The following DOCK2 variants were observed in gnomAD, a reference collection of about 807,000 sequenced individuals.
DOCK2 encodes the protein dedicator of cytokinesis 2, also known as dedicator of cytokinesis protein 2.
Under a neutral mutation model 248.9 loss-of-function variants are expected in DOCK2, and 87 were observed. The ratio of observed to expected loss-of-function variants is 0.35; its 90% confidence interval spans 0.29 to 0.42. The LOEUF (loss-of-function observed/expected upper bound fraction) is 0.42, where lower values mean the gene tolerates loss of function less well. DOCK2 is among the 10% of genes least tolerant of loss of function. DOCK2 has a pLI of 1.00. For synonymous variants in DOCK2, 805 were observed against 821.6 expected, an observed-to-expected ratio of 0.98 and a Z score of 0.35; for missense variants, 1,747 against 2,300.2, an observed-to-expected ratio of 0.76 and a Z score of 4.92.
In DOCK2 at chr5:170,063,181, T is replaced by G. The variant is rs576115643; in HGVS notation, c.4468-4329T>G. On this transcript the variant is annotated intron_variant, in intron 44 of 51. Transcript: ENST00000520908. ...CAGGCATGAAAGCACTTCCAGGGCT[T>G]CATTCCCTGAGAGTTGGTGCAGAGA... Among the ~76,000 whole-genome samples, 3 of 152,258 alleles carry G rather than the reference T, an allele frequency of 2.0e-5. No individual in the cohort carries two copies. In the South Asian group the frequency reaches 6.2e-4, roughly 32 times the overall value.
intron 3 of DOCK2, 77 bp downstream of exon 3, chr5:169,669,405 C>T (rs1758916372): frequency 1.3e-6 from 2 of 1,509,420 alleles, no homozygotes; most frequent in Non-Finnish European, 9.2e-7. Flanking sequence ...GAGCAGGTCT[C>T]TCCCACCATT....
At chr5:169,967,050 G>T (rs1051166691) in intron 27 of DOCK2, among the ~76,000 whole-genome samples, 2 of 152,222 alleles carry the variant, frequency 1.3e-5, no homozygotes, top group African/African-American at 4.8e-5. Flanking sequence ...TACCTCCTAT[G>T]TGCCAGGCAC....
rs556332106 is a variant in DOCK2, at chr5:169,996,998, G to A, written c.3072+834G>A. 2.1e-4 allele frequency among the ~76,000 whole-genome samples: 32 copies of A among 152,266 alleles called. No individual in the cohort carries two copies. In the East Asian group the frequency reaches 5.4e-3, roughly 26 times the overall value. On this transcript the variant is annotated intron_variant, in intron 30 of 51. Coordinates refer to ENST00000520908, the MANE Select transcript of DOCK2 (RefSeq NM_004946.3). ...AGAAATAAGGGGACCCGGGGAACCA[G>A]TGTTCAGCATATGGAGGATCCCGCC...
intron 27 of DOCK2, among the ~76,000 whole-genome samples, chr5:169,964,024 G>T (rs1050500710): frequency 1.3e-5 from 2 of 152,100 alleles, no homozygotes; most frequent in South Asian, 2.1e-4. Flanking sequence ...TGGCAGGATT[G>T]GGGGAGGGAG....
intron 1 of DOCK2, among the ~76,000 whole-genome samples, chr5:169,650,552 T>A (rs931193934): frequency 6.6e-6 from 1 of 152,220 alleles, no homozygotes; most frequent in East Asian, 1.9e-4. Context: ...TCCTGATGAA[T>A]AGAGTACTTC....
chr5:169,670,831 G>A (rs1175297236), intron 4 of DOCK2, among the ~76,000 whole-genome samples: 1 of 152,108 alleles, frequency 6.6e-6, no homozygotes, highest in Non-Finnish European at 1.5e-5. Flanking sequence ...ACTTTTTGCT[G>A]GCAGCTACCT....
chr5:169,738,954 G>T (rs529098474), intron 22 of DOCK2, among the ~76,000 whole-genome samples: 1 of 152,198 alleles, frequency 6.6e-6, no homozygotes, highest in Non-Finnish European at 1.5e-5. Context: ...GAGGTCTCCA[G>T]GCACTCAAAC....
intron 29 of DOCK2, among the ~76,000 whole-genome samples, chr5:169,990,159 C>T (rs1431572705): frequency 6.6e-6 from 1 of 152,004 alleles, no homozygotes; most frequent in Non-Finnish European, 1.5e-5. Context: ...AGTGCAATGG[C>T]ACGATCTCAG....
chr5:169,707,348 C>T (rs919489293), intron 14 of DOCK2, among the ~76,000 whole-genome samples: 4 of 152,190 alleles, frequency 2.6e-5, no homozygotes, highest in African/African-American at 9.7e-5. Flanking sequence ...TCCCACATTT[C>T]TGCTGTGTGC....
intron 32 of DOCK2, among the ~76,000 whole-genome samples, chr5:170,015,916 T>A (rs1581529309): frequency 1.3e-5 from 2 of 149,690 alleles, no homozygotes; most frequent in Admixed American, 6.7e-5. Context: ...CTTTCCTTCC[T>A]TTCACCTTTC....
chr5:169,975,099 T>G (rs1777668993), intron 27 of DOCK2, among the ~76,000 whole-genome samples: 1 of 152,150 alleles, frequency 6.6e-6, no homozygotes. Flanking sequence ...CTAAAGTCCA[T>G]GCCCACACCT....
intron 6 of DOCK2, among the ~76,000 whole-genome samples, 197 bp from the exon 7 acceptor site, chr5:169,681,547 A>C (rs1326876466): frequency 1.3e-5 from 2 of 152,046 alleles, no homozygotes; most frequent in African/African-American, 4.8e-5. Flanking sequence ...TTGAATGCAC[A>C]CTACTACAGT....
At chr5:169,726,990 A>G (rs933034025) in intron 22 of DOCK2, among the ~76,000 whole-genome samples, 4 of 151,728 alleles carry the variant, frequency 2.6e-5, no homozygotes, top group African/African-American at 9.7e-5. Context: ...AATTGCTTGA[A>G]CTGGGGGGTG....
intron 6 of DOCK2, among the ~76,000 whole-genome samples, chr5:169,680,435 A>G (rs984092832): frequency 1.3e-5 from 2 of 152,244 alleles, no homozygotes; most frequent in African/African-American, 4.8e-5. Flanking sequence ...CTGGAAGTCA[A>G]ATAGCTGAAA....
intron 25 of DOCK2, among the ~76,000 whole-genome samples, chr5:169,791,614 T>C (rs1462917791): frequency 6.6e-6 from 1 of 152,160 alleles, no homozygotes; most frequent in Non-Finnish European, 1.5e-5. Flanking sequence ...TGGTAATAAT[T>C]GCCCTGCACT....
At chr5:169,720,206 T>C (rs752816920) in intron 22 of DOCK2, among the ~76,000 whole-genome samples, 6 of 152,214 alleles carry the variant, frequency 3.9e-5, no homozygotes, top group Non-Finnish European at 7.3e-5. Flanking sequence ...TACTTCTCAG[T>C]GATTTGGGAA....
chr5:169,785,732 G>C (rs756892103), intron 25 of DOCK2, among the ~76,000 whole-genome samples: 2 of 152,160 alleles, frequency 1.3e-5, no homozygotes, highest in Non-Finnish European at 2.9e-5. Context: ...ATTATGGTTT[G>C]GCTAAGATGA....
At chr5:169,883,579 A>T in intron 27 of DOCK2, 1 of 1,551,596 alleles carries the variant, frequency 6.4e-7, no homozygotes, top group Non-Finnish European at 8.7e-7. Context: ...GAAAACTGGG[A>T]AATGCTTCCT....
chr5:169,841,074 G>A (rs1029176431), intron 27 of DOCK2, among the ~76,000 whole-genome samples: 3 of 152,116 alleles, frequency 2.0e-5, no homozygotes, highest in East Asian at 3.9e-4. Flanking sequence ...GTGTACCAGC[G>A]CTAAATTGAG....
Sources: gnomAD v4.1 joint callset for allele counts (sites outside exome capture counted in the v4.1 genomes callset) on GRCh38, gnomAD v4.1.1 for gene constraint, MANE v1.5 for transcripts, NCBI Gene and HGNC (gene_info 2026-07-23, HGNC 2026-07-21) for gene names.